The following ACSBG2 variants were observed in gnomAD, a reference collection of about 807,000 sequenced individuals.
ACSBG2 encodes the protein acyl-CoA synthetase bubblegum family member 2, also known as long-chain-fatty-acid--CoA ligase ACSBG2.
Under a neutral mutation model 74.7 loss-of-function variants are expected in ACSBG2, and 62 were observed. That is an observed-to-expected ratio of 0.83 (90% confidence interval 0.68 to 1.03). The LOEUF is 1.03. ACSBG2 is among the 50% of genes least tolerant of loss of function. The pLI is 0.00. For missense variants in ACSBG2, 730 were observed against 817.6 expected (o/e 0.89, Z 1.31); for synonymous variants, 309 against 294.1 (o/e 1.05, Z -0.52).
intron 11 of ACSBG2, among the ~76,000 whole-genome samples, chr19:6,186,849 C>T (rs146287987): frequency 0.018 from 2,688 of 152,044 alleles, 67 homozygotes; most frequent in African/African-American, 0.061. Flanking sequence ...GGACTACAGG[C>T]GTGTGCCACC....
chr19:6,147,858 TC>T (rs2089093607), intron 3 of ACSBG2, among the ~76,000 whole-genome samples, 183 bp downstream of exon 3: 1 of 152,190 alleles, frequency 6.6e-6, no homozygotes, highest in Non-Finnish European at 1.5e-5. Context: ...GTCACCATTG[TC>T]AGTTTTTTGT....
intron 7 of ACSBG2, among the ~76,000 whole-genome samples, chr19:6,167,691 G>A (rs915392014): frequency 2.0e-4 from 30 of 152,134 alleles, no homozygotes; most frequent in South Asian, 1.2e-3. Flanking sequence ...GCAATATCAC[G>A]GGCCCAGGAC....
intron 8 of ACSBG2, among the ~76,000 whole-genome samples, chr19:6,179,688 A>G (rs2090190891): frequency 6.6e-6 from 1 of 151,802 alleles, no homozygotes; most frequent in Non-Finnish European, 1.5e-5. Context: ...CATGATCTCA[A>G]CTCACTGCAA....
At chr19:6,159,207 C>T (rs1302763634) in intron 5 of ACSBG2, among the ~76,000 whole-genome samples, 1 of 152,184 alleles carries the variant, frequency 6.6e-6, no homozygotes, top group Non-Finnish European at 1.5e-5. Context: ...ATCCAATGGC[C>T]TTGGCCTCCC....
Position 6,174,569 on chromosome 19 carries a change from G to A in ACSBG2, c.739-2660G>A, listed in dbSNP as rs1030846212. ...TATGTATGTAATCCCAGCACTTTGGGAGGCCGAGACAGGAGGATTGCTTGA... is the reference window on the plus strand; with the variant it reads ...TATGTATGTAATCCCAGCACTTTGGAAGGCCGAGACAGGAGGATTGCTTGA... On this transcript the variant is annotated intron_variant, in intron 7 of 14. Transcript: ENST00000588485. The surrounding 1 kb of genome is among the most constrained non-coding windows in gnomAD (Gnocchi z 4.2). Among the ~76,000 whole-genome samples the A allele has an allele frequency of 2.0e-5, 3 of 152,210 alleles. No individual in the cohort carries two copies. The highest frequency in any genetic ancestry group is 7.2e-5 in the African/African-American group (3 of 41,446).
intron 7 of ACSBG2, chr19:6,175,512 G>GAA (rs1460065159): frequency 6.6e-6 from 1 of 152,194 alleles, no homozygotes; most frequent in African/African-American, 2.4e-5. Flanking sequence ...CATTTCAGCT[G>GAA]AGACTTAATG....
At position 6,141,430 on chromosome 19, in the gene ACSBG2, A is replaced by G. The variant is rs909456974; in HGVS notation, c.-31-83A>G. On this transcript the variant is annotated intron_variant, in intron 1 of 14. Transcript: ENST00000588485. ...ATGGATCCTAGGATTCTAGGCAGAC[A>G]TGACCAGTGGATGGAAGAGTTGGCC... 20 of 723,820 alleles carry G rather than the reference A, an allele frequency of 2.8e-5. No individual in the cohort carries two copies. The African/African-American group carries it at 3.3e-4, about 12-fold the overall frequency. 44.8% of individuals were successfully genotyped at this position (723,820 alleles called of 1,614,324 possible). A position where few individuals can be genotyped will look rare whatever the true frequency, so the allele number is the denominator to read the frequency against.
At chr19:6,161,416 T>C (rs2089611146) in intron 6 of ACSBG2, 121 bp downstream of exon 6, 2 of 856,256 alleles carry the variant, frequency 2.3e-6, no homozygotes, top group Admixed American at 4.7e-5. Flanking sequence ...GTGGGAACTC[T>C]CAAAGGAAGT....
chr19:6,157,020 C>A (rs900798259), intron 5 of ACSBG2, among the ~76,000 whole-genome samples: 3 of 151,972 alleles, frequency 2.0e-5, no homozygotes, highest in African/African-American at 7.3e-5. Flanking sequence ...GAACTCGGCT[C>A]ACTGCAAGCT....
intron 10 of ACSBG2, among the ~76,000 whole-genome samples, chr19:6,183,729 T>C (rs909301559): frequency 6.6e-6 from 1 of 152,208 alleles, no homozygotes; most frequent in African/African-American, 2.4e-5. Context: ...AATCTTCTGG[T>C]TGTGTCTCTC....
chr19:6,157,836 T>G (rs2145095820), intron 5 of ACSBG2, among the ~76,000 whole-genome samples: 1 of 152,210 alleles, frequency 6.6e-6, no homozygotes, highest in Middle Eastern at 3.4e-3. Context: ...ACTATATAAT[T>G]TTCTTCATTT....
At chr19:6,190,753 C>A in intron 14 of ACSBG2, 61 bp downstream of exon 14, 1 of 1,073,266 alleles carries the variant, frequency 9.3e-7, no homozygotes, top group Admixed American at 1.8e-5. Flanking sequence ...GAGGGCTCCA[C>A]TGTGTGGCAG....
chr19:6,151,604 C>G, intron 3 of ACSBG2, 103 bp from the exon 4 acceptor site: 1 of 1,136,142 alleles, frequency 8.8e-7, no homozygotes, highest in South Asian at 1.4e-5. Flanking sequence ...AGCCACTGCG[C>G]CTGGCCTCCA....
chr19:6,183,033 T>C lies in ACSBG2; in HGVS notation c.1089-6T>C, dbSNP rs775509673. On this transcript the variant is annotated splice_region_variant and splice_polypyrimidine_tract_variant and intron_variant, in intron 9 of 14. Transcript: ENST00000588485. ...CTTCTCCACTTGACGGCATTCTTAT[T>C]CACAGGAAATATAATACTCCCGTGA... The C allele has an allele frequency of 6.2e-7, 1 of 1,614,036 alleles. No individual in the cohort carries two copies.
intron 3 of ACSBG2, 72 bp downstream of exon 3, chr19:6,147,747 G>A: frequency 6.7e-7 from 1 of 1,496,056 alleles, no homozygotes; most frequent in African/African-American, 1.4e-5. Flanking sequence ...ACATACATGT[G>A]GTACAAAATT....
chr19:6,150,933 G>A (rs374280386), intron 3 of ACSBG2, among the ~76,000 whole-genome samples: 59 of 151,988 alleles, frequency 3.9e-4, no homozygotes, highest in Admixed American at 1.5e-3. Context: ...GGCCAACATG[G>A]TGAAACGCTG....
chr19:6,147,705 TCAAC>T, intron 3 of ACSBG2, 30 bp downstream of exon 3: 1 of 1,592,294 alleles, frequency 6.3e-7, no homozygotes, highest in Non-Finnish European at 8.6e-7. Flanking sequence ...TCTCCTTTGT[TCAAC>T]CATTCATTCT....
At chr19:6,183,422 C>T (rs923325988) in intron 10 of ACSBG2, 150 bp downstream of exon 10, 17 of 682,146 alleles carry the variant, frequency 2.5e-5, no homozygotes, top group African/African-American at 7.3e-5. Context: ...GTCCTAACTC[C>T]GCATGACCGT....
In ACSBG2 at chr19:6,142,677, C is replaced by T. The variant is rs753906246; in HGVS notation, c.67+1067C>T. ...CTGAGGCAGGAGAATGGCGTGAACCCGGGAGGTAGAGCTTGCAGTGAGCCG... is the reference window on the plus strand; with the variant it reads ...CTGAGGCAGGAGAATGGCGTGAACCTGGGAGGTAGAGCTTGCAGTGAGCCG... On this transcript the variant is annotated intron_variant, in intron 2 of 14. Transcript: ENST00000588485. 6.2e-5 allele frequency among the ~76,000 whole-genome samples: 9 copies of T among 146,268 alleles called. 1 individual carries two copies. The highest frequency in any genetic ancestry group is 4.3e-4 in the South Asian group (2 of 4,616).
Sources: allele counts gnomAD v4.1 joint callset (sites outside exome capture counted in the v4.1 genomes callset), GRCh38; gene constraint gnomAD v4.1.1; non-coding constraint Gnocchi (gnomAD v3.1); transcripts MANE v1.5; gene names NCBI Gene and HGNC (gene_info 2026-07-23, HGNC 2026-07-21).